ANKS1B: variants seen among roughly 807,000 people sequenced by gnomAD.
ANKS1B encodes the protein ankyrin repeat and sterile alpha motif domain-containing protein 1B.
A neutral mutation model predicts 148.3 loss-of-function variants in ANKS1B; 36 were observed. The ratio of observed to expected loss-of-function variants is 0.24; its 90% CI spans 0.19 to 0.32. The LOEUF is 0.32. Among genes scored for constraint, ANKS1B ranks in the 10% least tolerant of loss-of-function variants. The probability of loss-of-function intolerance (pLI) is 1.00; values close to 1 mark genes in which losing one functional copy is unlikely to be tolerated. For synonymous variants in ANKS1B, 542 were observed against 560.8 expected (o/e 0.97, Z 0.47); for missense variants, 1,157 against 1,542.6 (o/e 0.75, Z 4.19).
intron 12 of ANKS1B, among the ~76,000 whole-genome samples, chr12:99,282,031 T>A (rs930361008): frequency 6.6e-6 from 1 of 152,042 alleles, no homozygotes; most frequent in Non-Finnish European, 1.5e-5. Flanking sequence ...AGAAAACAAG[T>A]CAAATGTATA....
At chr12:99,148,279 G>T (rs901820074) in intron 15 of ANKS1B, among the ~76,000 whole-genome samples, 6 of 152,110 alleles carry the variant, frequency 3.9e-5, no homozygotes, top group Admixed American at 3.9e-4. Flanking sequence ...GTGAGCATTA[G>T]TTAGTAATGG....
At chr12:99,214,308 T>A (rs1273392855) in intron 14 of ANKS1B, among the ~76,000 whole-genome samples, 1 of 152,188 alleles carries the variant, frequency 6.6e-6, no homozygotes, top group African/African-American at 2.4e-5. Flanking sequence ...AGGTTTCATT[T>A]CTTATTAGCC....
At chr12:99,344,744 AT>A (rs907115788) in intron 12 of ANKS1B, 2 of 152,096 alleles carry the variant, frequency 1.3e-5, no homozygotes, top group African/African-American at 4.8e-5. Flanking sequence ...GATCAGTCAC[AT>A]TTTTTGTATT....
intron 1 of ANKS1B, among the ~76,000 whole-genome samples, chr12:99,909,971 A>G (rs1277204566): frequency 6.6e-6 from 1 of 152,242 alleles, no homozygotes; most frequent in African/African-American, 2.4e-5. Context: ...CACCTAGAAT[A>G]GAGCTGAATT....
At chr12:98,904,663 C>T (rs760835518) in intron 17 of ANKS1B, among the ~76,000 whole-genome samples, 6 of 152,138 alleles carry the variant, frequency 3.9e-5, no homozygotes, top group Non-Finnish European at 5.9e-5. Context: ...GAACTCAGCA[C>T]GAAGATGCAG....
chr12:99,741,749 G>C (rs530690400), intron 8 of ANKS1B, among the ~76,000 whole-genome samples: 8 of 152,058 alleles, frequency 5.3e-5, no homozygotes, highest in East Asian at 3.9e-4. Context: ...CTGTCGAGGT[G>C]GGGGGCAAGG....
chr12:98,865,144 T>G (rs189814320), intron 17 of ANKS1B, among the ~76,000 whole-genome samples: 22 of 152,262 alleles, frequency 1.4e-4, no homozygotes, highest in Admixed American at 1.4e-3. Context: ...CACCTTTTCA[T>G]GGTCCTTAGT....
chr12:99,960,378 A>G (rs1231158420), intron 1 of ANKS1B, among the ~76,000 whole-genome samples: 1 of 152,198 alleles, frequency 6.6e-6, no homozygotes, highest in Non-Finnish European at 1.5e-5. Flanking sequence ...TTACTCTGAG[A>G]AAACCACAGC....
In ANKS1B at chr12:99,736,220, T is replaced by C. The variant is rs567745062; in HGVS notation, c.1128+36702A>G. Reference sequence around the variant, plus strand: ...ACAAAGATTTCCACTTTCAACACTCTATGCAACATAGTACTGGAAGTCCTA... The same window carrying C: ...ACAAAGATTTCCACTTTCAACACTCCATGCAACATAGTACTGGAAGTCCTA... On this transcript the variant is annotated intron_variant, in intron 8 of 26. Transcript: ENST00000683438. 2.0e-5 allele frequency among the ~76,000 whole-genome samples: 3 copies of C among 152,096 alleles called. No homozygotes were observed. In the South Asian group the frequency reaches 6.2e-4, roughly 32 times the overall value.
At chr12:98,779,911 C>A (rs553459218) in intron 24 of ANKS1B, among the ~76,000 whole-genome samples, 1 of 152,296 alleles carries the variant, frequency 6.6e-6, no homozygotes, top group African/African-American at 2.4e-5. Context: ...GGGTTATATG[C>A]TTTTTGCCTG....
intron 4 of ANKS1B, among the ~76,000 whole-genome samples, chr12:99,789,823 A>T (rs2065430116): frequency 2.0e-5 from 3 of 152,174 alleles, no homozygotes; most frequent in Admixed American, 1.3e-4. Context: ...AAGACAAAAT[A>T]AAAAAAGAAT....
At chr12:99,781,084 G>T (rs1452292550) in intron 5 of ANKS1B, among the ~76,000 whole-genome samples, 1 of 138,744 alleles carries the variant, frequency 7.2e-6, no homozygotes, top group Non-Finnish European at 1.5e-5. Flanking sequence ...AAAAAAGCCA[G>T]TTTACAGGAT....
chr12:98,863,284 T>C lies in ANKS1B; in HGVS notation c.2779-31148A>G, dbSNP rs139287383. ...CCGTCACCTGAGAAGAACAAAACAG[T>C]GGGGTTTTTCTGCAGCTCGGCTGGA... is the stretch of plus-strand genomic sequence containing the variant. On this transcript the variant is annotated intron_variant, in intron 17 of 26. Transcript: ENST00000683438. 2.9e-3 allele frequency among the ~76,000 whole-genome samples: 442 copies of C among 152,220 alleles called. 2 individuals are homozygous for C. In the Middle Eastern group the frequency reaches 0.037, roughly 13 times the overall value.
At chr12:99,389,502 C>T (rs1351879263) in intron 12 of ANKS1B, among the ~76,000 whole-genome samples, 3 of 152,242 alleles carry the variant, frequency 2.0e-5, no homozygotes, top group Middle Eastern at 3.4e-3. Flanking sequence ...TTTCAATTAC[C>T]GTAAGCTTTT....
intron 4 of ANKS1B, among the ~76,000 whole-genome samples, chr12:99,785,182 G>A (rs1290886309): frequency 1.3e-5 from 2 of 150,542 alleles, no homozygotes; most frequent in Admixed American, 6.6e-5. Flanking sequence ...TGAGCTACAC[G>A]AATGTTAGTT....
rs138372967 is a variant in ANKS1B, at chr12:98,922,741, C to A, written c.2779-90605G>T. Among the ~76,000 whole-genome samples, 642 of 152,258 alleles carry A rather than the reference C, an allele frequency of 4.2e-3. 1 individual carries two copies. The highest frequency in any genetic ancestry group is 0.037 in the Middle Eastern group (11 of 294). ...CTTGAACTCCCGACCTCAGGCGATC[C>A]ACCCACCTCAGCCTCCCAAAGTGCT... On this transcript the variant is annotated intron_variant, in intron 17 of 26. Coordinates refer to ENST00000683438, the MANE Select transcript of ANKS1B (RefSeq NM_001352186.2).
At chr12:99,499,274 A>T (rs1297314235) in intron 10 of ANKS1B, among the ~76,000 whole-genome samples, 2 of 152,194 alleles carry the variant, frequency 1.3e-5, no homozygotes, top group Non-Finnish European at 2.9e-5. Flanking sequence ...ATCACAGCCC[A>T]AAGACTATCA....
chr12:99,378,191 T>C (rs1324817147), intron 12 of ANKS1B, among the ~76,000 whole-genome samples: 3 of 152,184 alleles, frequency 2.0e-5, no homozygotes, highest in African/African-American at 7.2e-5. Context: ...ATAGGGTTTC[T>C]AAGTATCTAA....
intron 17 of ANKS1B, among the ~76,000 whole-genome samples, chr12:99,016,427 G>A (rs531472013): frequency 1.3e-5 from 2 of 152,314 alleles, no homozygotes; most frequent in East Asian, 1.9e-4. Flanking sequence ...AGACTGAGGT[G>A]GGTGGATCAC....
Sources: allele counts gnomAD v4.1 joint callset (sites outside exome capture counted in the v4.1 genomes callset), GRCh38; gene constraint gnomAD v4.1.1; transcripts MANE v1.5; gene names NCBI Gene and HGNC (gene_info 2026-07-23, HGNC 2026-07-21).